The following KIF17 variants were observed in gnomAD, a reference collection of about 807,000 sequenced individuals.
KIF17 encodes kinesin family member 17.
Under a neutral mutation model 96.8 loss-of-function variants are expected in KIF17, and 80 were observed. The observed-to-expected ratio is 0.83, with a 90% CI of 0.69 to 1.00. The LOEUF is 1.00. Among genes scored for constraint, KIF17 ranks in the 50% least tolerant of loss-of-function variants. The pLI, the probability that KIF17 is intolerant of heterozygous loss-of-function variation, is 0.00. For missense variants in KIF17, 1,280 were observed against 1,372.9 expected (o/e 0.93, Z 1.07); for synonymous variants, 567 against 587.5 (o/e 0.97, Z 0.51).
At chr1:20,688,586 C>T (rs1338080647) in intron 7 of KIF17, among the ~76,000 whole-genome samples, 2 of 152,224 alleles carry the variant, frequency 1.3e-5, no homozygotes, top group African/African-American at 4.8e-5. Context: ...CCACTCTTCG[C>T]ACACTGGCAG....
At chr1:20,671,866 C>A in intron 12 of KIF17, 72 bp downstream of exon 12, 1 of 1,569,856 alleles carries the variant, frequency 6.4e-7, no homozygotes, top group Admixed American at 1.7e-5. Context: ...GAGGCCCACA[C>A]TCCCTGCCAG....
intron 14 of KIF17, among the ~76,000 whole-genome samples, chr1:20,665,468 C>T (rs2053511185): frequency 6.9e-6 from 1 of 145,482 alleles, no homozygotes; most frequent in Non-Finnish European, 1.5e-5. Flanking sequence ...GGCAGGATCT[C>T]GAATCACTGC....
rs2054308619 is a variant in KIF17, at chr1:20,704,637, G to A, written c.933C>T (p.Cys311=). ...GGNTKTLMVA[C]LSPADNNYDE... Reference sequence around the variant, plus strand: ...CGTAGTTGTTGTCCGCAGGCGACAGGCAGGCCACCATGAGCGTCTTGGTGT... The same window carrying A: ...CGTAGTTGTTGTCCGCAGGCGACAGACAGGCCACCATGAGCGTCTTGGTGT... The change falls in exon 5 of 15, where the codon TGC becomes TGT. Residue 311 remains cysteine (C), a synonymous_variant. Coordinates refer to ENST00000400463, the MANE Select transcript of KIF17 (RefSeq NM_001122819.3). This position sits in a 1 kb window ranked among gnomAD's most constrained non-coding sequence, Gnocchi z 6.8. 1 of 1,614,170 alleles carries A rather than the reference G, an allele frequency of 6.2e-7. No homozygotes were observed. The highest frequency in any genetic ancestry group is 1.3e-5 in the African/African-American group (1 of 75,058).
rs184154752 is a variant in KIF17, at chr1:20,665,764, C to T, written c.2908+450G>A. On this transcript the variant is annotated intron_variant, in intron 14 of 14. Coordinates refer to ENST00000400463, the MANE Select transcript of KIF17 (RefSeq NM_001122819.3). ...CGGGCTTTGCTTTCAGTTTTAAAAG[C>T]AGATAAAATGAAGTGATGCTTAATT... 5.0e-4 allele frequency among the ~76,000 whole-genome samples: 76 copies of T among 152,298 alleles called. 1 individual carries two copies. Among genetic ancestry groups the T allele is most frequent in the African/African-American group, 1.8e-3 (74 of 41,556 alleles).
At chr1:20,669,278 CT>C (rs2053592160) in intron 13 of KIF17, among the ~76,000 whole-genome samples, 1 of 152,008 alleles carries the variant, frequency 6.6e-6, no homozygotes, top group Non-Finnish European at 1.5e-5. Flanking sequence ...TGGCTCACGC[CT>C]ATAATCCCAG....
chr1:20,695,177 T>A (rs1226074031), intron 6 of KIF17, among the ~76,000 whole-genome samples: 3 of 151,884 alleles, frequency 2.0e-5, no homozygotes, highest in Non-Finnish European at 4.4e-5. Context: ...CCAATCTCCA[T>A]TCTTTTTTTA....
chr1:20,670,531 C>T, intron 12 of KIF17, 43 bp from the exon 13 acceptor site: 1 of 1,598,366 alleles, frequency 6.3e-7, no homozygotes, highest in Non-Finnish European at 8.6e-7. Context: ...CTGCCTGGTG[C>T]AAGGCCTAGA....
At position 20,717,589 on chromosome 1, in the gene KIF17, G is replaced by C. The variant is rs1272428360; in HGVS notation, c.118C>G (p.Gln40Glu). 6.2e-7 allele frequency: 1 copy of C among 1,611,422 alleles called. No individual in the cohort carries two copies. The highest frequency in any genetic ancestry group is 1.3e-5 in the African/African-American group (1 of 75,006). The change falls in exon 1 of 15, where the codon CAG becomes GAG. Residue 40 changes from glutamine to glutamate, a missense_variant. By Grantham distance (29) the Gln-to-Glu change is conservative (BLOSUM62 2). Transcript: ENST00000400463. ...VDCARAQCCI[Q>E]NPGAADEPPK... ...GGCTCGTCGGCGGCGCCCGGGTTCTGGATGCAGCACTGGGCGCGCGCGCAG... is the reference window on the plus strand; with the variant it reads ...GGCTCGTCGGCGGCGCCCGGGTTCTCGATGCAGCACTGGGCGCGCGCGCAG...
At chr1:20,707,632 G>C (rs571055626) in intron 4 of KIF17, among the ~76,000 whole-genome samples, 1 of 151,602 alleles carries the variant, frequency 6.6e-6, no homozygotes, top group South Asian at 2.1e-4. Context: ...AGCTGGGTGT[G>C]GTGGTGCATG....
At chr1:20,712,699 AATATTATCTATATATAAAATTATATT>A (rs1557606614) in intron 3 of KIF17, among the ~76,000 whole-genome samples, 3 of 91,172 alleles carry the variant, frequency 3.3e-5, no homozygotes, top group South Asian at 3.1e-4. Context: ...TAATATAGAT[AATATTATCTATATATAAAATTATATT>A]ATATCTATAT....
At chr1:20,675,365 G>A (rs944322132) in intron 11 of KIF17, among the ~76,000 whole-genome samples, 2 of 147,526 alleles carry the variant, frequency 1.4e-5, no homozygotes, top group African/African-American at 2.5e-5. Flanking sequence ...GGAGAATGGC[G>A]TGAACCCCGG....
In KIF17 at chr1:20,664,577, G is replaced by A. The variant is rs375264107; in HGVS notation, c.*7C>T. On this transcript the variant is annotated 3_prime_UTR_variant, in exon 15 of 15. Coordinates refer to ENST00000400463, the MANE Select transcript of KIF17 (RefSeq NM_001122819.3). Reference sequence around the variant, plus strand: ...CCTATAAGGCAGGCAATGGCAAGCAGCTGTGCTCACAGAGGCTCACTGCCA... The same window carrying A: ...CCTATAAGGCAGGCAATGGCAAGCAACTGTGCTCACAGAGGCTCACTGCCA... 1 of 1,614,114 alleles carries A rather than the reference G, an allele frequency of 6.2e-7. No individual in the cohort carries two copies. Among genetic ancestry groups the A allele is most frequent in the Non-Finnish European group, 8.5e-7 (1 of 1,180,030 alleles).
Position 20,678,138 on chromosome 1 carries a change from A to G in KIF17, c.2463+4515T>C, listed in dbSNP as rs1570439705. On this transcript the variant is annotated intron_variant, in intron 11 of 14. Transcript: ENST00000400463. ...CCTCACAATCATGGTGGAAGGTGAA[A>G]GGCACATCTTACATGGTGGCAGGCA... 2.6e-5 allele frequency among the ~76,000 whole-genome samples: 4 copies of G among 152,208 alleles called. No individual in the cohort carries two copies. In the East Asian group the frequency reaches 7.7e-4, roughly 29 times the overall value.
At chr1:20,706,516 G>A (rs1168776554) in intron 4 of KIF17, among the ~76,000 whole-genome samples, 1 of 151,732 alleles carries the variant, frequency 6.6e-6, no homozygotes, top group African/African-American at 2.4e-5. Flanking sequence ...GCTTGAACCT[G>A]GGAGACAAAG....
rs2154535131 is a variant in KIF17 at position 20,672,077 on chromosome 1, C to G, written c.2583G>C (p.Leu861=). The change falls in exon 12 of 15, where the codon CTG becomes CTC. Residue 861 remains leucine (L), a synonymous_variant. Coordinates refer to ENST00000400463, the MANE Select transcript of KIF17 (RefSeq NM_001122819.3). This position sits in a 1 kb window ranked among gnomAD's most constrained non-coding sequence, Gnocchi z 4.3. ...ERDSMLLQQL[L]EQVQPLIRRD... The stretch of plus-strand genomic sequence containing the variant: ...TGCGAATCAGGGGCTGCACCTGCTC[C>G]AGGAGCTGCTGCAAGAGCATGGAGT... The G allele has an allele frequency of 6.2e-7, 1 of 1,614,200 alleles. No individual in the cohort carries two copies. Among genetic ancestry groups the G allele is most frequent in the East Asian group, 2.2e-5 (1 of 44,882 alleles).
chr1:20,687,409 G>A lies in KIF17; in HGVS notation c.1917C>T (p.Asp639=), dbSNP rs781287098. The A allele has an allele frequency of 9.3e-5, 150 of 1,613,370 alleles. No individual in the cohort carries two copies. In the Middle Eastern group the frequency reaches 1.1e-3, roughly 12 times the overall value. ...TVARTDAPQA[D]VPKVPVQVPA... is the part of the protein sequence containing the mutation. The stretch of plus-strand genomic sequence containing the variant: ...CTACCTGCACAGGGACCTTGGGGAC[G>A]TCTGCCTGGGGTGCATCTGTCCTGG... Residue 639 remains aspartate (D), a synonymous_variant, in exon 8 of 15, where the codon GAC becomes GAT. Coordinates refer to ENST00000400463, the MANE Select transcript of KIF17 (RefSeq NM_001122819.3). The surrounding 1 kb of genome is among the most constrained non-coding windows in gnomAD (Gnocchi z 4.4).
At chr1:20,671,043 G>A (rs2053639376) in intron 12 of KIF17, among the ~76,000 whole-genome samples, 1 of 152,154 alleles carries the variant, frequency 6.6e-6, no homozygotes, top group African/African-American at 2.4e-5. Flanking sequence ...TCTTCGGAAG[G>A]CCATACGGGA....
In KIF17 at chr1:20,687,122, G is replaced by A. The variant is rs991102691; in HGVS notation, c.1938+266C>T. Among the ~76,000 whole-genome samples the A allele has an allele frequency of 2.6e-5, 4 of 152,130 alleles. No homozygotes were observed. The highest frequency in any genetic ancestry group is 7.2e-5 in the African/African-American group (3 of 41,420). On this transcript the variant is annotated intron_variant, in intron 8 of 14. Coordinates refer to ENST00000400463, the MANE Select transcript of KIF17 (RefSeq NM_001122819.3). The surrounding 1 kb of genome is among the most constrained non-coding windows in gnomAD (Gnocchi z 4.4). Reference sequence around the variant, plus strand: ...ACAGCTGTCCCTCCATCTGCAGAACGGGAGCCCACCTGGCATAACCTTGCA... The same window carrying A: ...ACAGCTGTCCCTCCATCTGCAGAACAGGAGCCCACCTGGCATAACCTTGCA...
chr1:20,692,761 T>A (rs1202025191), intron 6 of KIF17: 1 of 147,364 alleles, frequency 6.8e-6, no homozygotes, highest in Non-Finnish European at 1.5e-5. Context: ...CCTGGGATGG[T>A]TTGTGGGACT....
Sources: gnomAD v4.1 joint callset for allele counts (sites outside exome capture counted in the v4.1 genomes callset) on GRCh38, gnomAD v4.1.1 for gene constraint, Gnocchi (gnomAD v3.1) non-coding constraint, MANE v1.5 for transcripts, NCBI Gene and HGNC (gene_info 2026-07-23, HGNC 2026-07-21) for gene names.